Variants in NDFIP2 observed in about 807,000 individuals in gnomAD.
NDFIP2 encodes the protein NEDD4 family-interacting protein 2.
In NDFIP2, 19 loss-of-function variants were observed where a neutral mutation model predicts 36.0. The observed-to-expected ratio is 0.53, with a 90% CI of 0.37 to 0.77. NDFIP2 has a LOEUF of 0.77. NDFIP2 is among the 30% of genes least tolerant of loss of function. NDFIP2 has a pLI of 0.00. For missense variants in NDFIP2, 446 were observed against 435.8 expected (o/e 1.02, Z -0.21); for synonymous variants, 181 against 167.7 (o/e 1.08, Z -0.61).
In NDFIP2 at chr13:79,554,252, T is replaced by C. The variant is rs1876021935; in HGVS notation, c.*1739T>C. On this transcript the variant is annotated 3_prime_UTR_variant, in exon 8 of 8. Transcript: ENST00000218652. ...AAAATATTTAGTTTAGTTGCCTAATTTGGAAGTTAATTAAAATTAAACTGT... is the reference window on the plus strand; with the variant it reads ...AAAATATTTAGTTTAGTTGCCTAATCTGGAAGTTAATTAAAATTAAACTGT... 1 of 151,784 alleles carries C rather than the reference T, an allele frequency of 6.6e-6. No individual in the cohort carries two copies. The highest frequency in any genetic ancestry group is 2.1e-4 in the South Asian group (1 of 4,830). The allele number at this position is 151,784 out of a possible 1,614,324, so 9.4% of individuals were successfully genotyped here.
intron 1 of NDFIP2, among the ~76,000 whole-genome samples, chr13:79,483,395 A>G (rs1389598764): frequency 6.6e-6 from 1 of 152,184 alleles, no homozygotes; most frequent in Non-Finnish European, 1.5e-5. Flanking sequence ...TGTATGCCAG[A>G]GAAAAAGCTG....
intron 1 of NDFIP2, among the ~76,000 whole-genome samples, chr13:79,506,356 T>C (rs1873867977): frequency 2.0e-5 from 3 of 152,246 alleles, no homozygotes; most frequent in Admixed American, 1.3e-4. Flanking sequence ...TTAACATCTT[T>C]TCATGAACAT....
At chr13:79,548,477 G>A (rs965831340) in intron 6 of NDFIP2, 83 bp downstream of exon 6, 1 of 1,072,522 alleles carries the variant, frequency 9.3e-7, no homozygotes, top group Non-Finnish European at 1.4e-6. Context: ...TGCAATTTAT[G>A]TGGAAATTAT....
intron 1 of NDFIP2, among the ~76,000 whole-genome samples, chr13:79,512,249 A>G (rs1219865833): frequency 6.6e-6 from 1 of 152,198 alleles, no homozygotes; most frequent in Non-Finnish European, 1.5e-5. Context: ...GAATACTACT[A>G]CGTTAGCTTG....
chr13:79,543,567 T>C lies in NDFIP2; in HGVS notation c.725T>C (p.Ile242Thr), dbSNP rs1401898931. The C allele has an allele frequency of 6.2e-7, 1 of 1,613,868 alleles. No individual in the cohort carries two copies. The highest frequency in any genetic ancestry group is 1.1e-5 in the South Asian group (1 of 91,014). ...TTTCTGTTGCTTTTAGTGGCATTTA[T>C]TTTCAACTGGCTTGGATTTTGTTTA... ...IFMLAFFMAF[I>T]FNWLGFCLSF... The change falls in exon 5 of 8, where the codon ATT becomes ACT. Residue 242 changes from isoleucine (I) to threonine (T), a missense_variant. By Grantham distance (89) the Ile-to-Thr change is moderately conservative. Transcript: ENST00000218652.
At chr13:79,534,618 T>G (rs1333534899) in intron 3 of NDFIP2, among the ~76,000 whole-genome samples, 1 of 152,146 alleles carries the variant, frequency 6.6e-6, no homozygotes, top group African/African-American at 2.4e-5. Flanking sequence ...TTTTTGCCTT[T>G]TTTTTCTTGC....
At chr13:79,542,885 T>TC (rs1157803022) in intron 4 of NDFIP2, among the ~76,000 whole-genome samples, 2 of 137,942 alleles carry the variant, frequency 1.4e-5, no homozygotes, top group East Asian at 3.9e-4. Context: ...TTTTTTTCCT[T>TC]TTTTTTTTTG....
chr13:79,489,907 G>A (rs1216137169), intron 1 of NDFIP2, among the ~76,000 whole-genome samples: 1 of 152,234 alleles, frequency 6.6e-6, no homozygotes, highest in Non-Finnish European at 1.5e-5. Flanking sequence ...TACATGATTT[G>A]CAAGGTCTAA....
In NDFIP2 at chr13:79,543,650, C is replaced by T. The variant is rs1875546283; in HGVS notation, c.808C>T (p.Leu270Phe). The change falls in exon 5 of 8, where the codon CTT (leucine) becomes TTT (phenylalanine). Residue 270 changes from leucine (L) to phenylalanine (F), a missense_variant. Physicochemically the swap from Leu to Phe is conservative, Grantham distance 22. This residue lies in a region of NDFIP2 where 77 missense variants were observed against 131.0 expected (regional missense o/e 0.59). Transcript: ENST00000218652. ...GTATGGTGCTATCTGCGGATTTGGCCTTTCCTTGATCAAATGGATCCTTAT... is the reference window on the plus strand; with the variant it reads ...GTATGGTGCTATCTGCGGATTTGGCTTTTCCTTGATCAAATGGATCCTTAT... Reference protein sequence around the residue: ...GRYGAICGFGLSLIKWILIVR... With the variant: ...GRYGAICGFGFSLIKWILIVR... 2 of 1,613,672 alleles carry T rather than the reference C, an allele frequency of 1.2e-6. No individual in the cohort carries two copies. The highest frequency in any genetic ancestry group is 3.3e-5 in the Admixed American group (2 of 59,988).
rs1250194685 is a variant in NDFIP2 at position 79,555,130 on chromosome 13, C to T, written c.*2617C>T. ...CTTCTAAGTTGTTCACAGATTTTTA[C>T]CTGCTAAAACAATATTATTTCCAGT... is the stretch of plus-strand genomic sequence containing the variant. On this transcript the variant is annotated 3_prime_UTR_variant, in exon 8 of 8. Transcript: ENST00000218652. 1 of 151,034 alleles carries T rather than the reference C, an allele frequency of 6.6e-6. No individual in the cohort carries two copies. The highest frequency in any genetic ancestry group is 6.6e-5 in the Admixed American group (1 of 15,074). 9.4% of individuals were successfully genotyped at this position (151,034 alleles called of 1,614,324 possible). A position where few individuals can be genotyped will look rare whatever the true frequency, so the allele number is the denominator to read the frequency against.
chr13:79,530,999 C>CT (rs1874993266), intron 2 of NDFIP2, among the ~76,000 whole-genome samples: 1 of 152,204 alleles, frequency 6.6e-6, no homozygotes, highest in South Asian at 2.1e-4. Flanking sequence ...AGAGAAATCA[C>CT]TATCTGTGGC....
chr13:79,502,846 T>A (rs1367384946), intron 1 of NDFIP2, among the ~76,000 whole-genome samples: 5 of 151,254 alleles, frequency 3.3e-5, no homozygotes, highest in African/African-American at 1.2e-4. Flanking sequence ...ATGGAAATAG[T>A]TCAAAAAGCA....
At chr13:79,547,164 AAC>A (rs1465514577) in intron 5 of NDFIP2, among the ~76,000 whole-genome samples, 2 of 152,238 alleles carry the variant, frequency 1.3e-5, no homozygotes, top group African/African-American at 4.8e-5. Context: ...GGCTATAAAA[AAC>A]AGACTTAGAT....
chr13:79,540,235 A>G (rs570535321), intron 4 of NDFIP2, among the ~76,000 whole-genome samples: 1 of 152,342 alleles, frequency 6.6e-6, no homozygotes, highest in Admixed American at 6.5e-5. Context: ...GACAGTTATG[A>G]AAGTATAAGT....
At chr13:79,523,069 G>A (rs1874648387) in intron 2 of NDFIP2, among the ~76,000 whole-genome samples, 1 of 152,148 alleles carries the variant, frequency 6.6e-6, no homozygotes, top group South Asian at 2.1e-4. Context: ...AAACCTTGGA[G>A]TCTTCTTTTG....
chr13:79,492,229 C>T (rs1873250002), intron 1 of NDFIP2, among the ~76,000 whole-genome samples: 1 of 149,162 alleles, frequency 6.7e-6, no homozygotes, highest in African/African-American at 2.5e-5. Flanking sequence ...GGATATTGGA[C>T]TGAGGAAATC....
intron 1 of NDFIP2, among the ~76,000 whole-genome samples, chr13:79,494,216 A>C (rs1466153862): frequency 1.3e-5 from 2 of 151,974 alleles, no homozygotes; most frequent in South Asian, 4.1e-4. Flanking sequence ...TGGGCCAACT[A>C]TTCTATGTTG....
intron 1 of NDFIP2, among the ~76,000 whole-genome samples, chr13:79,487,413 C>T (rs1873046993): frequency 6.6e-6 from 1 of 152,078 alleles, no homozygotes; most frequent in African/African-American, 2.4e-5. Flanking sequence ...TGCAGTTTAT[C>T]CATTGCTGTT....
rs1429389350 is a variant in NDFIP2, at chr13:79,554,466, C to T, written c.*1953C>T. The T allele has an allele frequency of 6.6e-6, 1 of 151,682 alleles. No individual in the cohort carries two copies. Among genetic ancestry groups the T allele is most frequent in the East Asian group, 1.9e-4 (1 of 5,182 alleles). 9.4% of individuals were successfully genotyped at this position (151,682 alleles called of 1,614,324 possible). A position where few individuals can be genotyped will look rare whatever the true frequency, so the allele number is the denominator to read the frequency against. ...CATTTTAGCTTTTATGGTATATGTGCTTGTTTTCTGAATATGGATACATGT... is the reference window on the plus strand; with the variant it reads ...CATTTTAGCTTTTATGGTATATGTGTTTGTTTTCTGAATATGGATACATGT... On this transcript the variant is annotated 3_prime_UTR_variant, in exon 8 of 8. Transcript: ENST00000218652.
Sources: allele counts gnomAD v4.1 joint callset (sites outside exome capture counted in the v4.1 genomes callset), GRCh38; gene constraint gnomAD v4.1.1; regional missense constraint gnomAD v4.1.1; transcripts MANE v1.5; gene names NCBI Gene and HGNC (gene_info 2026-07-23, HGNC 2026-07-21).